CCSER1: variants seen among roughly 807,000 people sequenced by gnomAD.
CCSER1 encodes the protein coiled-coil serine rich protein 1, also known as serine-rich coiled-coil domain-containing protein 1.
CCSER1 carries 41 observed loss-of-function variants against 82.0 expected under a neutral mutation model. The observed-to-expected ratio is 0.50, with a 90% CI of 0.39 to 0.65. CCSER1 has a LOEUF of 0.65. Ranked by LOEUF, CCSER1 falls within the 30% of genes least tolerant of loss-of-function variation. The pLI is 0.00. For missense variants in CCSER1, 1,119 were observed against 1,064.2 expected (o/e 1.05, Z -0.72); for synonymous variants, 414 against 383.9 (o/e 1.08, Z -0.92).
At chr4:91,524,459 C>T (rs372099879) in intron 10 of CCSER1, among the ~76,000 whole-genome samples, 22 of 152,318 alleles carry the variant, frequency 1.4e-4, no homozygotes, top group African/African-American at 5.1e-4. Flanking sequence ...GATGCTCTGG[C>T]TTACTCCTAG....
At chr4:91,390,478 A>G (rs2149348953) in intron 10 of CCSER1, among the ~76,000 whole-genome samples, 1 of 152,072 alleles carries the variant, frequency 6.6e-6, no homozygotes, top group South Asian at 2.1e-4. Flanking sequence ...TGTTAAAGAA[A>G]GGTATCACTC....
intron 1 of CCSER1, among the ~76,000 whole-genome samples, chr4:90,177,266 G>A (rs1034940619): frequency 1.3e-5 from 2 of 152,150 alleles, no homozygotes; most frequent in Non-Finnish European, 2.9e-5. Context: ...TAAAGGGAAT[G>A]AAGTTGTGGA....
At chr4:90,413,984 A>G (rs1365996763) in intron 4 of CCSER1, among the ~76,000 whole-genome samples, 5 of 58,572 alleles carry the variant, frequency 8.5e-5, no homozygotes, top group Non-Finnish European at 1.3e-4. Context: ...AAAAAAAAAT[A>G]TATATATATA....
chr4:90,468,219 G>A lies in CCSER1; in HGVS notation c.1604-15G>A. ...ATAATTTTGACATTTACAATTCCTC[G>A]GTTTTTTTGAACAGTTTGCCGGGAG... On this transcript the variant is annotated splice_polypyrimidine_tract_variant and intron_variant, in intron 4 of 10. Coordinates refer to ENST00000509176, the MANE Select transcript of CCSER1 (RefSeq NM_001145065.2). 6.3e-7 allele frequency: 1 copy of A among 1,576,036 alleles called. No homozygotes were observed. Among genetic ancestry groups the A allele is most frequent in the Non-Finnish European group, 8.6e-7 (1 of 1,160,722 alleles).
intron 6 of CCSER1, among the ~76,000 whole-genome samples, chr4:90,635,353 A>G (rs565437565): frequency 6.6e-6 from 1 of 151,690 alleles, no homozygotes; most frequent in Non-Finnish European, 1.5e-5. Flanking sequence ...GTAGACATCT[A>G]TGGGGTACAT....
intron 6 of CCSER1, among the ~76,000 whole-genome samples, chr4:90,675,594 A>T: frequency 1.4e-5 from 2 of 145,830 alleles, no homozygotes; most frequent in Non-Finnish European, 1.5e-5. Context: ...TGTATTTGAA[A>T]ACTTTGTTAA....
intron 10 of CCSER1, among the ~76,000 whole-genome samples, chr4:91,134,789 C>T (rs866102191): frequency 6.6e-6 from 1 of 152,182 alleles, no homozygotes; most frequent in Non-Finnish European, 1.5e-5. Flanking sequence ...TGGCCAGGCG[C>T]GGTGGCTCAC....
At chr4:90,652,002 A>C (rs1407490967) in intron 6 of CCSER1, among the ~76,000 whole-genome samples, 1 of 152,110 alleles carries the variant, frequency 6.6e-6, no homozygotes, top group African/African-American at 2.4e-5. Flanking sequence ...CTGAATAATA[A>C]ATTTCCTGTA....
chr4:90,139,751 G>A (rs1216081681), intron 1 of CCSER1, among the ~76,000 whole-genome samples: 8 of 152,048 alleles, frequency 5.3e-5, no homozygotes, highest in East Asian at 1.9e-4. Context: ...TCAGGAGTTC[G>A]AGACCAGCCT....
intron 4 of CCSER1, among the ~76,000 whole-genome samples, chr4:90,457,487 T>C (rs1762338924): frequency 1.3e-5 from 2 of 152,046 alleles, no homozygotes; most frequent in South Asian, 4.2e-4. Flanking sequence ...CAAAGAGGTG[T>C]TTTATTGAGC....
chr4:90,403,485 C>T (rs1299574065), intron 4 of CCSER1, among the ~76,000 whole-genome samples: 291 of 115,906 alleles, frequency 2.5e-3, no homozygotes, highest in African/African-American at 9.8e-3. Flanking sequence ...GGCGACAGAG[C>T]GAGACTCCGT....
At chr4:90,530,361 G>C (rs1222898642) in intron 5 of CCSER1, among the ~76,000 whole-genome samples, 1 of 152,190 alleles carries the variant, frequency 6.6e-6, no homozygotes, top group East Asian at 1.9e-4. Flanking sequence ...CTCTACCCCA[G>C]CTGGTGAACA....
chr4:91,579,437 C>T (rs996223864), intron 10 of CCSER1, among the ~76,000 whole-genome samples: 1 of 151,572 alleles, frequency 6.6e-6, no homozygotes, highest in African/African-American at 2.4e-5. Flanking sequence ...GTTAACTCAC[C>T]ATAGGAAATG....
intron 10 of CCSER1, among the ~76,000 whole-genome samples, chr4:91,219,204 T>TGTTC (rs1737534383): frequency 6.6e-6 from 1 of 151,852 alleles, no homozygotes; most frequent in Non-Finnish European, 1.5e-5. Context: ...TTTTCAAATA[T>TGTTC]AATTGTTATA....
chr4:91,428,386 A>G (rs933601016), intron 10 of CCSER1, among the ~76,000 whole-genome samples: 1 of 152,092 alleles, frequency 6.6e-6, no homozygotes, highest in Non-Finnish European at 1.5e-5. Flanking sequence ...TGCAGTGGAC[A>G]TGTGAACAAA....
chr4:90,901,846 A>G (rs1272820238), intron 8 of CCSER1, among the ~76,000 whole-genome samples: 1 of 152,034 alleles, frequency 6.6e-6, no homozygotes, highest in East Asian at 1.9e-4. Context: ...CTCTCTAGAA[A>G]GGTTAGGGAA....
intron 5 of CCSER1, among the ~76,000 whole-genome samples, chr4:90,576,164 A>G (rs1294630658): frequency 1.3e-5 from 2 of 151,852 alleles, no homozygotes; most frequent in Non-Finnish European, 2.9e-5. Flanking sequence ...TCTACTTTCT[A>G]AGAGATTTGA....
intron 10 of CCSER1, among the ~76,000 whole-genome samples, chr4:91,336,940 T>A (rs916440548): frequency 6.6e-6 from 1 of 152,102 alleles, no homozygotes; most frequent in Non-Finnish European, 1.5e-5. Flanking sequence ...CCTTATAATA[T>A]GTGAATGCAT....
chr4:91,442,458 T>C (rs1279139750), intron 10 of CCSER1, among the ~76,000 whole-genome samples: 51 of 139,666 alleles, frequency 3.7e-4, no homozygotes, highest in African/African-American at 1.1e-3. Flanking sequence ...TTACACCTTA[T>C]ACAAAAATTA....
Sources: gnomAD v4.1 joint callset for allele counts (sites outside exome capture counted in the v4.1 genomes callset) on GRCh38, gnomAD v4.1.1 for gene constraint, MANE v1.5 for transcripts, NCBI Gene and HGNC (gene_info 2026-07-23, HGNC 2026-07-21) for gene names.